EIF4A2: variants seen among roughly 807,000 people sequenced by gnomAD.
EIF4A2 encodes the protein eukaryotic initiation factor 4A-II.
EIF4A2 carries 9 observed loss-of-function variants against 50.6 expected under a neutral mutation model. The ratio of observed to expected loss-of-function variants is 0.18; its 90% confidence interval spans 0.11 to 0.31. The LOEUF is 0.31. Among genes scored for constraint, EIF4A2 ranks in the 10% least tolerant of loss-of-function variants. The pLI, the probability that EIF4A2 is intolerant of heterozygous loss-of-function variation, is 1.00. For synonymous variants in EIF4A2, 215 were observed against 164.4 expected, an observed-to-expected ratio of 1.31 and a Z score of -2.35; for missense variants, 182 against 501.8, an observed-to-expected ratio of 0.36 and a Z score of 6.09.
In EIF4A2 at chr3:186,785,044, T is replaced by G. The variant is rs755425078; in HGVS notation, c.291T>G (p.Ile97Met). 2 of 1,614,200 alleles carry G rather than the reference T, an allele frequency of 1.2e-6. No individual in the cohort carries two copies. Among genetic ancestry groups the G allele is most frequent in the African/African-American group, 1.3e-5 (1 of 75,058 alleles). The change falls in exon 4 of 11, where the codon ATT (isoleucine) becomes ATG (methionine). Residue 97 changes from isoleucine to methionine, a missense_variant. This residue lies in a region of EIF4A2 where 113 missense variants were observed against 357.3 expected (regional missense o/e 0.32). Coordinates refer to ENST00000323963, the MANE Select transcript of EIF4A2 (RefSeq NM_001967.4). ...TTTCCATCCTGCAACAGTTGGAGAT[T>G]GAGTTCAAGGAGACCCAAGCACTAG... Reference protein sequence around the residue: ...FAISILQQLEIEFKETQALVL... With the variant: ...FAISILQQLEMEFKETQALVL...
Position 186,787,942 on chromosome 3 carries a change from T to C in EIF4A2, c.1079+60T>C. ...ATTCATACGTTTTTCTACTGTGATTTGTATGAAAGGTAACATCAAATCAAG... is the reference window on the plus strand; with the variant it reads ...ATTCATACGTTTTTCTACTGTGATTCGTATGAAAGGTAACATCAAATCAAG... On this transcript the variant is annotated intron_variant, in intron 10 of 10. Coordinates refer to ENST00000323963, the MANE Select transcript of EIF4A2 (RefSeq NM_001967.4). 4 of 1,540,776 alleles carry C rather than the reference T, an allele frequency of 2.6e-6. No homozygotes were observed. In the South Asian group the frequency reaches 4.5e-5, roughly 17 times the overall value.
intron 1 of EIF4A2, 122 bp from the exon 2 acceptor site, chr3:186,784,310 C>T (rs1031270370): frequency 2.8e-6 from 4 of 1,411,580 alleles, no homozygotes; most frequent in African/African-American, 1.4e-5. Flanking sequence ...CGCCCTGAGG[C>T]TGCTGCTTTA....
chr3:186,784,946 A>G lies in EIF4A2; in HGVS notation c.209-16A>G. 1 of 1,614,192 alleles carries G rather than the reference A, an allele frequency of 6.2e-7. No homozygotes were observed. The highest frequency in any genetic ancestry group is 8.5e-7 in the Non-Finnish European group (1 of 1,180,034). On this transcript the variant is annotated splice_polypyrimidine_tract_variant and intron_variant, in intron 3 of 10. Coordinates refer to ENST00000323963, the MANE Select transcript of EIF4A2 (RefSeq NM_001967.4). ...TTTGATGTGGGATCGGTAAATGTGT[A>G]TCCTACTTTTTTTAGGGTATGATGT...
At position 186,783,606 on chromosome 3, in the gene EIF4A2, G is replaced by T. The variant is rs753698118; in HGVS notation, c.-5G>T. On this transcript the variant is annotated 5_prime_UTR_variant, in exon 1 of 11. Transcript: ENST00000323963. ...TCAGTCGGGCGCTGAGTGGTTTTTCGGATCATGTCTGGTGGCTCCGCGGAT... is the reference window on the plus strand; with the variant it reads ...TCAGTCGGGCGCTGAGTGGTTTTTCTGATCATGTCTGGTGGCTCCGCGGAT... 14 of 1,614,018 alleles carry T rather than the reference G, an allele frequency of 8.7e-6. No homozygotes were observed. The highest frequency in any genetic ancestry group is 2.7e-5 in the African/African-American group (2 of 74,912).
intron 1 of EIF4A2, chr3:186,783,889 C>A: frequency 1.7e-6 from 1 of 578,452 alleles, no homozygotes. Context: ...CGGCTGCTTT[C>A]CTTCCCAGTG....
At position 186,784,559 on chromosome 3, in the gene EIF4A2, TAC is replaced by T. The variant is rs751692924; in HGVS notation, c.76-3_76-2del. Reference sequence around the variant, plus strand: ...TATGCGTGCATTATTTTTTCTAACTTACAGAGCAACTGGAATGAGATTGTTGA... The same window carrying T: ...TATGCGTGCATTATTTTTTCTAACTTAGAGCAACTGGAATGAGATTGTTGA... On this transcript the variant is annotated splice_region_variant and splice_polypyrimidine_tract_variant and intron_variant, in intron 2 of 10. Transcript: ENST00000323963. The T allele has an allele frequency of 1.9e-6, 3 of 1,614,178 alleles. No homozygotes were observed. Among genetic ancestry groups the T allele is most frequent in the Non-Finnish European group, 2.5e-6 (3 of 1,179,990 alleles).
rs998882901 is a variant in EIF4A2 at position 186,789,680 on chromosome 3, G to C, written c.*411G>C. 87 of 373,238 alleles carry C rather than the reference G, an allele frequency of 2.3e-4. No individual in the cohort carries two copies. The highest frequency in any genetic ancestry group is 7.2e-4 in the Middle Eastern group (1 of 1,384). 23.1% of individuals were successfully genotyped at this position (373,238 alleles called of 1,614,324 possible). ...ATTGTGTTTGTCATTAGCCTGAGTA[G>C]AAAGGCCTTTAAAATTTTTTTAGAA... On this transcript the variant is annotated 3_prime_UTR_variant, in exon 11 of 11. Coordinates refer to ENST00000323963, the MANE Select transcript of EIF4A2 (RefSeq NM_001967.4).
rs778546320 is a variant in EIF4A2, at chr3:186,787,296, A to C, written c.909+32A>C. ...GGTGTTCTAAAATGTCTGGATTTCC[A>C]CTAAAGCAGGATTCAGACTACAATA... On this transcript the variant is annotated intron_variant, in intron 8 of 10. Transcript: ENST00000323963. The C allele has an allele frequency of 5.0e-6, 8 of 1,613,926 alleles. No homozygotes were observed. In the Admixed American group the frequency reaches 1.2e-4, roughly 24 times the overall value.
intron 10 of EIF4A2, 102 bp from the exon 11 acceptor site, chr3:186,789,023 C>A: frequency 1.4e-6 from 2 of 1,474,890 alleles, no homozygotes; most frequent in Non-Finnish European, 1.8e-6. Context: ...GAACTATAAC[C>A]TTGATAAGTA....
At chr3:186,785,264 GGTAT>G (rs1337294850) in intron 4 of EIF4A2, 163 bp downstream of exon 4, 1 of 950,004 alleles carries the variant, frequency 1.1e-6, no homozygotes, top group Non-Finnish European at 1.5e-6. Flanking sequence ...AAAAGAACTG[GGTAT>G]GCAGGTATGG....
intron 4 of EIF4A2, 144 bp downstream of exon 4, chr3:186,785,245 GA>G (rs750125666): frequency 5.2e-5 from 66 of 1,277,170 alleles, no homozygotes; most frequent in Non-Finnish European, 7.1e-5. Flanking sequence ...AGTTTTTGTT[GA>G]AAGTTTTAAA....
At position 186,785,839 on chromosome 3, in the gene EIF4A2, G is replaced by C. The variant is rs148857354; in HGVS notation, c.349-44G>C. 2,236 of 1,562,052 alleles carry C rather than the reference G, an allele frequency of 1.4e-3. 29 individuals are homozygous for C. The African/African-American group carries it at 0.027, about 19-fold the overall frequency. On this transcript the variant is annotated intron_variant, in intron 4 of 10. Coordinates refer to ENST00000323963, the MANE Select transcript of EIF4A2 (RefSeq NM_001967.4). Reference sequence around the variant, plus strand: ...CTTTATGCTTTAAAAATTAGTCATTGATCCTGGAGTTCTGCGGAATAATAA... The same window carrying C: ...CTTTATGCTTTAAAAATTAGTCATTCATCCTGGAGTTCTGCGGAATAATAA...
chr3:186,788,839 T>TAAA (rs1010457332), intron 10 of EIF4A2: 3 of 335,364 alleles, frequency 8.9e-6, no homozygotes, highest in Admixed American at 4.7e-5. Flanking sequence ...GTATGGGCTT[T>TAAA]AATTTCACTA....
chr3:186,785,767 T>A, intron 4 of EIF4A2, 116 bp from the exon 5 acceptor site: 1 of 1,312,184 alleles, frequency 7.6e-7, no homozygotes, highest in Admixed American at 2.4e-5. Flanking sequence ...GAAGTAGTTT[T>A]GTGCTGTGCA....
rs1387675136 is a variant in EIF4A2 at position 186,789,393 on chromosome 3, TAC to T, written c.*126_*127del. The T allele has an allele frequency of 9.5e-6, 13 of 1,371,614 alleles. No individual in the cohort carries two copies. The highest frequency in any genetic ancestry group is 3.2e-5 in the South Asian group (2 of 62,292). 85.0% of individuals were successfully genotyped at this position (1,371,614 alleles called of 1,614,324 possible). A position where few individuals can be genotyped will look rare whatever the true frequency, so the allele number is the denominator to read the frequency against. On this transcript the variant is annotated 3_prime_UTR_variant, in exon 11 of 11. Transcript: ENST00000323963. ...CTCAATGCTCATAACGGATCAGAAA[TAC>T]AGATTTTGATAGCAAAGCGACGTTA...
At chr3:186,788,345 CAG>C (rs1416201598) in intron 10 of EIF4A2, 4 of 1,289,096 alleles carry the variant, frequency 3.1e-6, no homozygotes, top group Non-Finnish European at 4.0e-6. Context: ...AGATGGCACT[CAG>C]AAACGGCGTT....
Position 186,789,657 on chromosome 3 carries a change from TGTGTTTGTCA to T in EIF4A2, c.*389_*398del, listed in dbSNP as rs577857192. ...GTTAAACTAGCATATCTGCCTTTAT[TGTGTTTGTCA>T]TTAGCCTGAGTAGAAAGGCCTTTAA... On this transcript the variant is annotated 3_prime_UTR_variant, in exon 11 of 11. Coordinates refer to ENST00000323963, the MANE Select transcript of EIF4A2 (RefSeq NM_001967.4). 34 of 348,308 alleles carry T rather than the reference TGTGTTTGTCA, an allele frequency of 9.8e-5. No individual in the cohort carries two copies. Among genetic ancestry groups the T allele is most frequent in the Non-Finnish European group, 1.7e-4 (32 of 191,580 alleles). 21.6% of individuals were successfully genotyped at this position (348,308 alleles called of 1,614,324 possible).
In EIF4A2 at chr3:186,789,807, C is replaced by A; in HGVS notation, c.*538C>A. On this transcript the variant is annotated 3_prime_UTR_variant, in exon 11 of 11. Coordinates refer to ENST00000323963, the MANE Select transcript of EIF4A2 (RefSeq NM_001967.4). ...CTGTTGCTAAGCCCCAGCAAGCAAT[C>A]CTAGGTAGGGTTTAATCCCCAGTAA... The A allele has an allele frequency of 1.7e-6, 1 of 600,036 alleles. No homozygotes were observed. Among genetic ancestry groups the A allele is most frequent in the South Asian group, 2.1e-5 (1 of 48,118 alleles). The allele number at this position is 600,036 out of a possible 1,614,324, so 37.2% of individuals were successfully genotyped here.
At position 186,787,666 on chromosome 3, in the gene EIF4A2, G is replaced by C. The variant is rs760566788; in HGVS notation, c.999+82G>C. The C allele has an allele frequency of 2.5e-6, 4 of 1,595,018 alleles. No individual in the cohort carries two copies. The African/African-American group carries it at 4.0e-5, about 16-fold the overall frequency. ...GTTTTTAAGTAACCTTTGCCAACTTGGGCTATTTGGAAGAGTAAAAGACCA... is the reference window on the plus strand; with the variant it reads ...GTTTTTAAGTAACCTTTGCCAACTTCGGCTATTTGGAAGAGTAAAAGACCA... On this transcript the variant is annotated intron_variant, in intron 9 of 10. Transcript: ENST00000323963.
Sources: allele counts gnomAD v4.1 joint callset, GRCh38; gene constraint gnomAD v4.1.1; regional missense constraint gnomAD v4.1.1; transcripts MANE v1.5; gene names NCBI Gene and HGNC (gene_info 2026-07-23, HGNC 2026-07-21).